CELSR1: variants seen among roughly 807,000 people sequenced by gnomAD.
CELSR1 encodes cadherin EGF LAG seven-pass G-type receptor 1.
A neutral mutation model predicts 249.1 loss-of-function variants in CELSR1; 110 were observed. The ratio of observed to expected loss-of-function variants is 0.44; its 90% confidence interval spans 0.38 to 0.52. The LOEUF (loss-of-function observed/expected upper bound fraction) is 0.52. Among genes scored for constraint, CELSR1 ranks in the 20% least tolerant of loss-of-function variants. The probability of loss-of-function intolerance (pLI) is 0.00; values close to 1 mark genes in which losing one functional copy is unlikely to be tolerated. For synonymous variants in CELSR1, 2,113 were observed against 1,900.0 expected (o/e 1.11, Z -2.92); for missense variants, 4,109 against 4,296.4 (o/e 0.96, Z 1.22).
chr22:46,529,694 T>C (rs965745967), intron 1 of CELSR1, among the ~76,000 whole-genome samples: 1 of 151,636 alleles, frequency 6.6e-6, no homozygotes, highest in Non-Finnish European at 1.5e-5. Context: ...TCCAATGTAC[T>C]CAGGAGGCTG....
Position 46,389,302 on chromosome 22 carries a change from G to T in CELSR1, c.6543C>A (p.Ala2181=). The change falls in exon 18 of 35, where the codon GCC becomes GCA. Residue 2181 remains alanine (A), a synonymous_variant. Coordinates refer to ENST00000674500, the MANE Select transcript of CELSR1 (RefSeq NM_001378328.1). ...GCCACCCGCCTACCTCGTGAAAGTC[G>T]GCGTCCTGCGTGGCTGCCAGGTCGA... ...QGFDLAATQD[A]DFHEDVIHSG... is the part of the protein sequence containing the mutation. 1 of 1,606,108 alleles carries T rather than the reference G, an allele frequency of 6.2e-7. No homozygotes were observed.
intron 2 of CELSR1, among the ~76,000 whole-genome samples, chr22:46,463,472 C>G (rs903112978): frequency 6.6e-6 from 1 of 151,338 alleles, no homozygotes; most frequent in African/African-American, 2.4e-5. Context: ...GCGAAGATTA[C>G]GCCACTGCAC....
At chr22:46,492,439 T>C (rs921562411) in intron 1 of CELSR1, among the ~76,000 whole-genome samples, 4 of 152,214 alleles carry the variant, frequency 2.6e-5, no homozygotes, top group Admixed American at 6.5e-5. Flanking sequence ...AAATTACCTC[T>C]TTTTTCTTTT....
Position 46,406,467 on chromosome 22 carries a change from G to A in CELSR1, c.5226+2529C>T, listed in dbSNP as rs80315910. 3.5e-3 allele frequency among the ~76,000 whole-genome samples: 535 copies of A among 152,276 alleles called. 10 individuals are homozygous for A. The East Asian group carries it at 0.052, about 15-fold the overall frequency. Reference sequence around the variant, plus strand: ...GCCTGAGCCCCTGCCCCACAGCCCCGACCCATCTCCTGAGCCCTCGCTGAT... The same window carrying A: ...GCCTGAGCCCCTGCCCCACAGCCCCAACCCATCTCCTGAGCCCTCGCTGAT... On this transcript the variant is annotated intron_variant, in intron 9 of 34. Transcript: ENST00000674500. This position sits in a 1 kb window ranked among gnomAD's most constrained non-coding sequence, Gnocchi z 5.4.
intron 2 of CELSR1, among the ~76,000 whole-genome samples, chr22:46,451,039 C>A (rs2079877684): frequency 6.6e-6 from 1 of 152,212 alleles, no homozygotes; most frequent in Non-Finnish European, 1.5e-5. Flanking sequence ...TTCACCCCTC[C>A]ATGCCCCACT....
intron 2 of CELSR1, among the ~76,000 whole-genome samples, chr22:46,460,131 A>G (rs1252707554): frequency 6.6e-6 from 1 of 152,054 alleles, no homozygotes; most frequent in Non-Finnish European, 1.5e-5. Flanking sequence ...AGCTGAGATC[A>G]CACCACTGAA....
intron 1 of CELSR1, among the ~76,000 whole-genome samples, chr22:46,503,458 C>T (rs987432434): frequency 6.6e-5 from 10 of 152,214 alleles, no homozygotes; most frequent in Admixed American, 1.3e-4. Context: ...CCCCTACAGC[C>T]GTCCCCACTG....
chr22:46,446,172 T>C lies in CELSR1; in HGVS notation c.4184-6761A>G, dbSNP rs1434604417. Reference sequence around the variant, plus strand: ...TCACGAGCCTGTGCCGGCCCCACTGTCTCCCTCCTCCCAGGGCAGCTACAG... The same window carrying C: ...TCACGAGCCTGTGCCGGCCCCACTGCCTCCCTCCTCCCAGGGCAGCTACAG... On this transcript the variant is annotated intron_variant, in intron 2 of 34. Coordinates refer to ENST00000674500, the MANE Select transcript of CELSR1 (RefSeq NM_001378328.1). The surrounding 1 kb of genome is among the most constrained non-coding windows in gnomAD (Gnocchi z 5.5). Among the ~76,000 whole-genome samples the C allele has an allele frequency of 6.6e-6, 1 of 151,866 alleles. No homozygotes were observed. Among genetic ancestry groups the C allele is most frequent in the African/African-American group, 2.4e-5 (1 of 41,312 alleles).
rs893003417 is a variant in CELSR1, at chr22:46,534,395, G to A, written c.2776C>T (p.Arg926Cys). The A allele has an allele frequency of 4.3e-6, 7 of 1,612,720 alleles. No individual in the cohort carries two copies. The Admixed American group carries it at 6.7e-5, about 15-fold the overall frequency. Residue 926 changes from arginine (R) to cysteine (C), a missense_variant, in exon 1 of 35, where the codon CGT becomes TGT. Physicochemically the swap from Arg to Cys is radical, Grantham distance 180 (BLOSUM62 -3). Coordinates refer to ENST00000674500, the MANE Select transcript of CELSR1 (RefSeq NM_001378328.1). The surrounding 1 kb of genome is among the most constrained non-coding windows in gnomAD (Gnocchi z 9.7). ...ATDRDSGPNG[R>C]LLYTFQGGDD... The stretch of plus-strand genomic sequence containing the variant: ...CCACCCTGGAAGGTGTACAGCAGAC[G>A]CCCATTGGGACCTGAGTCCCGGTCC...
intron 5 of CELSR1, among the ~76,000 whole-genome samples, chr22:46,416,407 T>C (rs992686848): frequency 2.0e-5 from 3 of 152,198 alleles, no homozygotes; most frequent in Admixed American, 6.5e-5. Flanking sequence ...CAACACCCCT[T>C]GCAGGAAAGG....
At chr22:46,421,251 G>C (rs2079468724) in intron 5 of CELSR1, among the ~76,000 whole-genome samples, 4 of 152,160 alleles carry the variant, frequency 2.6e-5, no homozygotes, top group African/African-American at 7.2e-5. Context: ...AGAGGGGAGG[G>C]AGGCAGCCGT....
intron 1 of CELSR1, among the ~76,000 whole-genome samples, chr22:46,493,875 A>T (rs1379986678): frequency 6.6e-6 from 1 of 152,118 alleles, no homozygotes; most frequent in South Asian, 2.1e-4. Flanking sequence ...AGTCAATTAA[A>T]CCATTTTTCT....
chr22:46,452,641 C>A (rs1350941543), intron 2 of CELSR1, among the ~76,000 whole-genome samples: 3 of 152,240 alleles, frequency 2.0e-5, no homozygotes, highest in Non-Finnish European at 2.9e-5. Context: ...CAGGGTCCTT[C>A]CAAGCCAAGG....
chr22:46,409,849 C>G lies in CELSR1; in HGVS notation c.4965G>C (p.Gly1655=). 1 of 1,613,788 alleles carries G rather than the reference C, an allele frequency of 6.2e-7. No individual in the cohort carries two copies. The highest frequency in any genetic ancestry group is 8.5e-7 in the Non-Finnish European group (1 of 1,179,996). The change falls in exon 8 of 35, where the codon GGG becomes GGC. Residue 1655 remains glycine (G), a synonymous_variant. Coordinates refer to ENST00000674500, the MANE Select transcript of CELSR1 (RefSeq NM_001378328.1). This position sits in a 1 kb window ranked among gnomAD's most constrained non-coding sequence, Gnocchi z 9.8. ...AGGTGCCTCCATTCTGACACCGCCTCCCATCGCAGAAGTTCCTCCGAGCAG... is the reference window on the plus strand; with the variant it reads ...AGGTGCCTCCATTCTGACACCGCCTGCCATCGCAGAAGTTCCTCCGAGCAG... ...GCAARRNFCD[G]RRCQNGGTCV...
rs141720550 is a variant in CELSR1 at position 46,468,308 on chromosome 22, C to A, written c.3545-3963G>T. On this transcript the variant is annotated intron_variant, in intron 1 of 34. Transcript: ENST00000674500. The surrounding 1 kb of genome is among the most constrained non-coding windows in gnomAD (Gnocchi z 4.5). ...GGCTGAGGCAGGAGAATCGCTTGAACCCAAGAGGTGGAGGTTGTGGTGAGC... is the reference window on the plus strand; with the variant it reads ...GGCTGAGGCAGGAGAATCGCTTGAAACCAAGAGGTGGAGGTTGTGGTGAGC... Among the ~76,000 whole-genome samples, 3 of 151,212 alleles carry A rather than the reference C, an allele frequency of 2.0e-5. No homozygotes were observed. Among genetic ancestry groups the A allele is most frequent in the African/African-American group, 7.3e-5 (3 of 41,104 alleles).
intron 2 of CELSR1, among the ~76,000 whole-genome samples, chr22:46,458,790 C>G (rs573756898): frequency 6.6e-6 from 1 of 152,212 alleles, no homozygotes; most frequent in Admixed American, 6.5e-5. Flanking sequence ...GTCCCACCTC[C>G]TGGGTTGTCA....
At chr22:46,439,149 T>C (rs887949949) in intron 3 of CELSR1, 40 bp downstream of exon 3, 2 of 1,574,632 alleles carry the variant, frequency 1.3e-6, no homozygotes, top group South Asian at 2.3e-5. Flanking sequence ...GCCCCTTTCC[T>C]AAAGAGACCC....
chr22:46,370,186 G>A (rs954388759), intron 25 of CELSR1: 7 of 461,224 alleles, frequency 1.5e-5, no homozygotes, highest in African/African-American at 6.0e-5. Context: ...AGGCCATGAT[G>A]GACCCAAGGT....
intron 1 of CELSR1, among the ~76,000 whole-genome samples, chr22:46,495,826 T>C (rs1411830468): frequency 1.3e-5 from 2 of 151,958 alleles, no homozygotes; most frequent in Non-Finnish European, 2.9e-5. Context: ...AAAAAATATA[T>C]TTTTTTTTCT....
Sources: gnomAD v4.1 joint callset for allele counts (sites outside exome capture counted in the v4.1 genomes callset) on GRCh38, gnomAD v4.1.1 for gene constraint, Gnocchi (gnomAD v3.1) non-coding constraint, MANE v1.5 for transcripts, NCBI Gene and HGNC (gene_info 2026-07-23, HGNC 2026-07-21) for gene names.